Variants in CPM observed in about 807,000 individuals in gnomAD.
CPM encodes carboxypeptidase M, also known as renal carboxypeptidase.
CPM carries 35 observed loss-of-function variants against 46.4 expected under a neutral mutation model. The ratio of observed to expected loss-of-function variants is 0.75; its 90% CI spans 0.58 to 1.00. CPM has a LOEUF of 1.00. Among genes scored for constraint, CPM ranks in the 50% least tolerant of loss-of-function variants. CPM has a pLI of 0.00. For missense variants in CPM, 422 were observed against 530.4 expected (o/e 0.80, Z 2.01); for synonymous variants, 195 against 195.3 (o/e 1.00, Z 0.01).
intron 5 of CPM, chr12:68,845,231 TAAA>T (rs1565754850): frequency 2.8e-5 from 6 of 216,892 alleles, no homozygotes; most frequent in Admixed American, 5.8e-5. Flanking sequence ...TTCTTCAGCT[TAAA>T]AAATTGTTTA....
chr12:68,892,404 G>A (rs185569836), intron 2 of CPM, among the ~76,000 whole-genome samples: 1 of 152,268 alleles, frequency 6.6e-6, no homozygotes. Context: ...TATTTGATTA[G>A]CTGGTACATC....
chr12:68,959,539 A>G (rs1889078162), intron 1 of CPM, among the ~76,000 whole-genome samples: 1 of 152,272 alleles, frequency 6.6e-6, no homozygotes, highest in Non-Finnish European at 1.5e-5. Flanking sequence ...GACCAAGGAC[A>G]AATACATTAT....
intron 2 of CPM, among the ~76,000 whole-genome samples, chr12:68,893,012 T>G: frequency 6.6e-6 from 1 of 152,104 alleles, no homozygotes; most frequent in East Asian, 1.9e-4. Flanking sequence ...AAATACCTAA[T>G]GCATGCAGGG....
chr12:68,955,118 A>G (rs1239041425), intron 1 of CPM, among the ~76,000 whole-genome samples: 2 of 152,152 alleles, frequency 1.3e-5, no homozygotes, highest in African/African-American at 2.4e-5. Context: ...GCACAAGCTG[A>G]GCACAGCCTG....
intron 2 of CPM, among the ~76,000 whole-genome samples, chr12:68,917,089 C>G (rs1887840626): frequency 1.3e-5 from 2 of 152,094 alleles, no homozygotes; most frequent in Admixed American, 1.3e-4. Flanking sequence ...TAATCTACCC[C>G]ACACTCACCT....
rs572343684 is a variant in CPM, at chr12:68,873,277, G to A, written c.259-1321C>T. Among the ~76,000 whole-genome samples, 4 of 152,284 alleles carry A rather than the reference G, an allele frequency of 2.6e-5. No individual in the cohort carries two copies. In the Middle Eastern group the frequency reaches 0.01, roughly 388 times the overall value. The stretch of plus-strand genomic sequence containing the variant: ...TTCAACATTGTGACAAAGGATAAGC[G>A]GTCCTTGGATGACCACTTCTCACTT... On this transcript the variant is annotated intron_variant, in intron 3 of 8. Transcript: ENST00000551568.
chr12:68,936,174 A>T (rs1406029225), upstream of CPM, among the ~76,000 whole-genome samples: 3 of 152,120 alleles, frequency 2.0e-5, no homozygotes, highest in African/African-American at 7.2e-5. Flanking sequence ...GGAAATGTAG[A>T]ATCTGTCACT....
chr12:68,850,417 A>G (rs1169938517), downstream of CPM: 1 of 152,248 alleles, frequency 6.6e-6, no homozygotes, highest in African/African-American at 2.4e-5. Flanking sequence ...TTTATTTTCT[A>G]AATTGAGACG....
rs1042728931 is a variant in CPM at position 68,854,641 on chromosome 12, C to G, written c.*1796G>C. On this transcript the variant is annotated 3_prime_UTR_variant, in exon 9 of 9. Coordinates refer to ENST00000551568, the MANE Select transcript of CPM (RefSeq NM_198320.5). ...AATGGCATTCCAGATACAGGGGACA[C>G]AAACAGCTCTGTGTTTATGAACTAC... The G allele has an allele frequency of 3.3e-5, 5 of 152,168 alleles. No individual in the cohort carries two copies. Among genetic ancestry groups the G allele is most frequent in the African/African-American group, 1.2e-4 (5 of 41,394 alleles). The allele number at this position is 152,168 out of a possible 1,614,324, so 9.4% of individuals were successfully genotyped here. A position where few individuals can be genotyped will look rare whatever the true frequency, so the allele number is the denominator to read the frequency against.
At chr12:68,921,553 TG>T (rs970749240) in intron 2 of CPM, among the ~76,000 whole-genome samples, 28 of 152,204 alleles carry the variant, frequency 1.8e-4, no homozygotes, top group African/African-American at 6.7e-4. Context: ...AGGCAAGGGG[TG>T]GGGGTAGACC....
intron 2 of CPM, among the ~76,000 whole-genome samples, chr12:68,908,994 C>T (rs1190838192): frequency 2.6e-5 from 4 of 152,146 alleles, no homozygotes; most frequent in Non-Finnish European, 5.9e-5. Flanking sequence ...TGGGGCAGTA[C>T]CTCAATGTTT....
At chr12:68,910,002 G>T (rs1193891512) in intron 2 of CPM, among the ~76,000 whole-genome samples, 1 of 151,026 alleles carries the variant, frequency 6.6e-6, no homozygotes, top group Non-Finnish European at 1.5e-5. Context: ...TAATAATAAT[G>T]AAGAAGAAGA....
chr12:68,956,556 A>C (rs1053317580), intron 1 of CPM, among the ~76,000 whole-genome samples: 1 of 152,184 alleles, frequency 6.6e-6, no homozygotes, highest in Non-Finnish European at 1.5e-5. Context: ...TGACTCCAAA[A>C]CCTGGACTCC....
intron 1 of CPM, among the ~76,000 whole-genome samples, chr12:68,962,233 A>G (rs1013438614): frequency 1.3e-5 from 2 of 151,356 alleles, no homozygotes; most frequent in Non-Finnish European, 2.9e-5. Context: ...GTGTGATAAT[A>G]CACACATAAC....
intron 7 of CPM, among the ~76,000 whole-genome samples, chr12:68,860,676 CCAT>C (rs1885169681): frequency 6.6e-6 from 1 of 151,936 alleles, no homozygotes; most frequent in Non-Finnish European, 1.5e-5. Flanking sequence ...TAGCGTGTAC[CCAT>C]CATCATAGCT....
chr12:68,875,755 G>A (rs1885923005), intron 3 of CPM, among the ~76,000 whole-genome samples: 1 of 147,598 alleles, frequency 6.8e-6, no homozygotes, highest in Admixed American at 6.8e-5. Flanking sequence ...GCAGTGAGCC[G>A]AGATTATACC....
intron 2 of CPM, among the ~76,000 whole-genome samples, chr12:68,887,812 G>A (rs182869275): frequency 1.3e-5 from 2 of 152,240 alleles, no homozygotes; most frequent in East Asian, 1.9e-4. Flanking sequence ...TCCAAGGAGG[G>A]GGCTGATGAA....
intron 5 of CPM, chr12:68,843,707 C>G (rs1475432401): frequency 2.2e-5 from 5 of 225,048 alleles, no homozygotes; most frequent in Non-Finnish European, 4.4e-5. Context: ...AACTCTCTCT[C>G]TCTCTCTCTG....
chr12:68,941,851 T>G (rs1402679578), intron 1 of CPM, among the ~76,000 whole-genome samples: 1 of 152,172 alleles, frequency 6.6e-6, no homozygotes, highest in Non-Finnish European at 1.5e-5. Flanking sequence ...AAACCGGATT[T>G]GTTTGTTTTT....
Sources: allele counts gnomAD v4.1 joint callset (sites outside exome capture counted in the v4.1 genomes callset), GRCh38; gene constraint gnomAD v4.1.1; transcripts MANE v1.5; gene names NCBI Gene and HGNC (gene_info 2026-07-23, HGNC 2026-07-21).